PTPRQ: variants seen among roughly 807,000 people sequenced by gnomAD.
The protein encoded by PTPRQ is protein tyrosine phosphatase receptor type Q, also known as phosphatidylinositol phosphatase PTPRQ.
Under a neutral mutation model 246.0 loss-of-function variants are expected in PTPRQ, and 199 were observed. The ratio of observed to expected loss-of-function variants is 0.81; its 90% CI spans 0.72 to 0.91. PTPRQ has a LOEUF of 0.91. PTPRQ is among the 40% of genes least tolerant of loss of function. The pLI is 0.00. For synonymous variants in PTPRQ, 869 were observed against 853.2 expected (o/e 1.02, Z -0.32); for missense variants, 2,624 against 2,528.4 (o/e 1.04, Z -0.81).
chr12:80,558,815 C>T (rs77572187), intron 25 of PTPRQ, among the ~76,000 whole-genome samples: 2 of 152,140 alleles, frequency 1.3e-5, no homozygotes, highest in Admixed American at 1.3e-4. Context: ...TTGTGTTTCC[C>T]TGATGGCTAA....
chr12:80,549,445 G>A lies in PTPRQ; in HGVS notation c.4016-20G>A. ...ACATATGTATACACTTTAACTTTGG[G>A]CATATGTTTATCTCTTAAGTTCCAG... On this transcript the variant is annotated intron_variant, in intron 24 of 44. Transcript: ENST00000644991. 4.6e-6 allele frequency: 7 copies of A among 1,526,724 alleles called. No homozygotes were observed. In the South Asian group the frequency reaches 8.8e-5, roughly 19 times the overall value. The allele number at this position is 1,526,724 out of a possible 1,614,324, so 94.6% of individuals were successfully genotyped here. A position where few individuals can be genotyped will look rare whatever the true frequency, so the allele number is the denominator to read the frequency against.
intron 6 of PTPRQ, among the ~76,000 whole-genome samples, chr12:80,467,216 C>G (rs565027404): frequency 2.6e-5 from 4 of 152,238 alleles, no homozygotes; most frequent in African/African-American, 4.8e-5. Context: ...AGACACTTCT[C>G]AAAAGAAGAC....
intron 9 of PTPRQ, among the ~76,000 whole-genome samples, chr12:80,492,104 G>A (rs1423225412): frequency 1.3e-5 from 2 of 151,770 alleles, no homozygotes; most frequent in Non-Finnish European, 2.9e-5. Context: ...TTTTGAACAG[G>A]TTTAAAAGTA....
intron 25 of PTPRQ, among the ~76,000 whole-genome samples, chr12:80,564,232 GCTTTTTTTGGT>G (rs1376278689): frequency 3.9e-5 from 6 of 152,032 alleles, no homozygotes; most frequent in Admixed American, 3.9e-4. Flanking sequence ...TTTTATGGGG[GCTTTTTTTGGT>G]CAGTTGGTTG....
chr12:80,642,111 TAGTC>T (rs1899886432), intron 35 of PTPRQ, among the ~76,000 whole-genome samples: 1 of 152,206 alleles, frequency 6.6e-6, no homozygotes, highest in Non-Finnish European at 1.5e-5. Context: ...TCATTTGTGT[TAGTC>T]AGAACCTTTA....
chr12:80,671,879 CCCCACACTCCTCACTGTACTCTCACCT>C lies in PTPRQ; in HGVS notation c.6603-1286_6603-1260del, dbSNP rs1900981331. 2.6e-5 allele frequency among the ~76,000 whole-genome samples: 4 copies of C among 152,134 alleles called. No homozygotes were observed. The South Asian group carries it at 8.3e-4, about 32-fold the overall frequency. ...CAGCAAATACTTTCATCCCTGACTA[CCCCACACTCCTCACTGTACTCTCACCT>C]CCCTGGTCTCCCCTGATTTTTGAAC... On this transcript the variant is annotated intron_variant, in intron 42 of 44. Transcript: ENST00000644991.
chr12:80,676,419 G>T (rs551563869), intron 43 of PTPRQ, among the ~76,000 whole-genome samples: 1 of 152,274 alleles, frequency 6.6e-6, no homozygotes, highest in South Asian at 2.1e-4. Context: ...AAGGTGGGCG[G>T]ATCACCAGGG....
chr12:80,678,519 T>C (rs1358323547), intron 43 of PTPRQ, 83 bp from the exon 44 acceptor site: 2 of 1,398,518 alleles, frequency 1.4e-6, no homozygotes, highest in Non-Finnish European at 1.9e-6. Flanking sequence ...AATTCAGTAC[T>C]GCTTTTAGCT....
intron 33 of PTPRQ, among the ~76,000 whole-genome samples, chr12:80,626,617 A>C (rs1899209646): frequency 6.6e-6 from 1 of 152,120 alleles, no homozygotes; most frequent in Admixed American, 6.6e-5. Context: ...CAAGCTTTTT[A>C]ACCATCCCAA....
Position 80,510,329 on chromosome 12 carries a change from A to T in PTPRQ, c.2564A>T (p.Asp855Val), listed in dbSNP as rs1395096703. 6.5e-7 allele frequency: 1 copy of T among 1,543,712 alleles called. No individual in the cohort carries two copies. The highest frequency in any genetic ancestry group is 1.2e-5 in the South Asian group (1 of 82,314). Residue 855 changes from aspartate (D) to valine (V), a missense_variant, in exon 17 of 45, where the codon GAT becomes GTT. Physicochemically the swap from Asp to Val is radical, Grantham distance 152 (BLOSUM62 -3). Transcript: ENST00000644991. ...CTATACCCTAACTTTACAGCTCCTG[A>T]TTCTCCCCCTCAAGACTTCTCTGTA... ...ISILTEEDAP[D>V]SPPQDFSVKQ...
intron 25 of PTPRQ, among the ~76,000 whole-genome samples, chr12:80,554,954 C>T (rs142972247): frequency 2.2e-3 from 335 of 152,208 alleles, no homozygotes; most frequent in Non-Finnish European, 4.3e-3. Flanking sequence ...CATTCTCTTG[C>T]CCAGGCTGGA....
At chr12:80,491,015 G>C (rs1197256516) in intron 9 of PTPRQ, among the ~76,000 whole-genome samples, 1 of 151,876 alleles carries the variant, frequency 6.6e-6, no homozygotes, top group Admixed American at 6.6e-5. Flanking sequence ...TCAAATCATT[G>C]CCCAAGTTAT....
intron 25 of PTPRQ, among the ~76,000 whole-genome samples, chr12:80,570,927 C>A (rs988605384): frequency 6.6e-6 from 1 of 152,120 alleles, no homozygotes; most frequent in East Asian, 1.9e-4. Flanking sequence ...GGCCTCTGTT[C>A]TGTTCCATTG....
intron 35 of PTPRQ, among the ~76,000 whole-genome samples, chr12:80,638,768 A>G (rs559616556): frequency 1.3e-5 from 2 of 152,318 alleles, no homozygotes; most frequent in African/African-American, 4.8e-5. Flanking sequence ...CTTTAATTCT[A>G]TGAAAACATT....
chr12:80,603,550 A>G (rs1898211835), intron 26 of PTPRQ, among the ~76,000 whole-genome samples: 1 of 151,570 alleles, frequency 6.6e-6, no homozygotes, highest in Admixed American at 6.6e-5. Context: ...TTTTTGTACC[A>G]TGAATCCCTT....
intron 36 of PTPRQ, 73 bp from the exon 37 acceptor site, chr12:80,649,515 A>G: frequency 6.7e-7 from 1 of 1,486,332 alleles, no homozygotes; most frequent in Admixed American, 2.3e-5. Context: ...GTTAAAAGTG[A>G]AGCCAGTGCC....
chr12:80,497,815 T>TA (rs764956403), intron 14 of PTPRQ, among the ~76,000 whole-genome samples: 11 of 152,100 alleles, frequency 7.2e-5, no homozygotes, highest in Non-Finnish European at 1.0e-4. Context: ...ACTGACTAGA[T>TA]ACTGGTGGAA....
chr12:80,517,629 C>G (rs984547629), intron 17 of PTPRQ, among the ~76,000 whole-genome samples: 2 of 151,618 alleles, frequency 1.3e-5, no homozygotes, highest in Non-Finnish European at 2.9e-5. Context: ...TACCCATTAA[C>G]CATCCCCACT....
chr12:80,551,651 CA>C (rs1261335501), intron 25 of PTPRQ, among the ~76,000 whole-genome samples: 2 of 152,088 alleles, frequency 1.3e-5, no homozygotes, highest in Admixed American at 6.6e-5. Flanking sequence ...TAAAATACTC[CA>C]AATATTTTGC....
Sources: allele counts gnomAD v4.1 joint callset (sites outside exome capture counted in the v4.1 genomes callset), GRCh38; gene constraint gnomAD v4.1.1; transcripts MANE v1.5; gene names NCBI Gene and HGNC (gene_info 2026-07-23, HGNC 2026-07-21).